The following SLIT1 variants were observed in gnomAD, a reference collection of about 807,000 sequenced individuals.
SLIT1 encodes slit guidance ligand 1.
SLIT1 carries 66 observed loss-of-function variants against 186.1 expected under a neutral mutation model. The ratio of observed to expected loss-of-function variants is 0.35; its 90% confidence interval spans 0.29 to 0.44. The LOEUF is 0.44. Among genes scored for constraint, SLIT1 ranks in the 20% least tolerant of loss-of-function variants. SLIT1 has a pLI of 1.00. For synonymous variants in SLIT1, 761 were observed against 833.8 expected, an observed-to-expected ratio of 0.91 and a Z score of 1.50; for missense variants, 1,638 against 2,037.4, an observed-to-expected ratio of 0.80 and a Z score of 3.77.
At chr10:97,174,694 G>T (rs1183366265) in intron 1 of SLIT1, among the ~76,000 whole-genome samples, 1 of 152,174 alleles carries the variant, frequency 6.6e-6, no homozygotes, top group African/African-American at 2.4e-5. Flanking sequence ...GCTCATTTAA[G>T]CCTCGCAGTA....
At chr10:97,034,640 T>TC (rs963366004) in intron 22 of SLIT1, 98 bp from the exon 23 acceptor site, 13 of 1,122,820 alleles carry the variant, frequency 1.2e-5, no homozygotes, top group African/African-American at 1.5e-5. Context: ...CCAGGGCCAT[T>TC]CCCCAGCCAG....
chr10:97,119,617 C>T lies in SLIT1; in HGVS notation c.413+38201G>A, dbSNP rs1589400833. On this transcript the variant is annotated intron_variant, in intron 4 of 36. Transcript: ENST00000266058. ...GGAGGGTCTGGGAGGACTCAGGAGACGGCGCCTTGGGTTCACCCATCCTCC... is the reference window on the plus strand; with the variant it reads ...GGAGGGTCTGGGAGGACTCAGGAGATGGCGCCTTGGGTTCACCCATCCTCC... Among the ~76,000 whole-genome samples, 3 of 151,754 alleles carry T rather than the reference C, an allele frequency of 2.0e-5. No homozygotes were observed. The East Asian group carries it at 5.9e-4, about 30-fold the overall frequency.
chr10:97,146,037 T>C (rs770122724), intron 4 of SLIT1, among the ~76,000 whole-genome samples: 2 of 152,226 alleles, frequency 1.3e-5, no homozygotes, highest in Admixed American at 6.5e-5. Flanking sequence ...CTTGCCATAT[T>C]TGCATTACTC....
chr10:97,088,421 G>C (rs1849191252), intron 4 of SLIT1, among the ~76,000 whole-genome samples: 1 of 152,194 alleles, frequency 6.6e-6, no homozygotes, highest in Admixed American at 6.5e-5. Flanking sequence ...GTGAATGACT[G>C]ACAGCCCTAA....
Position 97,040,263 on chromosome 10 carries a change from C to T in SLIT1, c.2165-143G>A, listed in dbSNP as rs941833232. ...TGGCCATCAGTAAGTCTGTGCACTA[C>T]ACCTCCCCGCCAGCCACCACCGCCA... On this transcript the variant is annotated intron_variant, in intron 20 of 36. Coordinates refer to ENST00000266058, the MANE Select transcript of SLIT1 (RefSeq NM_003061.3). The T allele has an allele frequency of 7.4e-6, 6 of 812,320 alleles. No individual in the cohort carries two copies. The African/African-American group carries it at 1.1e-4, about 15-fold the overall frequency. 50.3% of individuals were successfully genotyped at this position (812,320 alleles called of 1,614,324 possible).
At chr10:97,157,712 T>G in intron 4 of SLIT1, 106 bp downstream of exon 4, 1 of 837,266 alleles carries the variant, frequency 1.2e-6, no homozygotes, top group Non-Finnish European at 2.0e-6. Context: ...GAGCACAGGG[T>G]CAGGGTCATG....
At chr10:97,161,778 CA>C (rs1850030274) in intron 3 of SLIT1, among the ~76,000 whole-genome samples, 1 of 152,016 alleles carries the variant, frequency 6.6e-6, no homozygotes, top group Non-Finnish European at 1.5e-5. Flanking sequence ...AACTCCGTCT[CA>C]AAAAAAGAAA....
intron 1 of SLIT1, among the ~76,000 whole-genome samples, chr10:97,179,154 G>A (rs1313672626): frequency 2.0e-5 from 3 of 152,046 alleles, no homozygotes; most frequent in Non-Finnish European, 2.9e-5. Context: ...CCCATCTAGC[G>A]ACTCTCATCA....
intron 1 of SLIT1, among the ~76,000 whole-genome samples, chr10:97,179,796 A>ACCCCCCCCCCCCCCCCCCCCCCAC (rs1411663173): frequency 9.7e-6 from 1 of 103,014 alleles, no homozygotes; most frequent in Admixed American, 1.0e-4. Flanking sequence ...AATTCTCCAC[A>ACCCCCCCCCCCCCCCCCCCCCCAC]CCCTCCCCGC....
chr10:97,182,971 G>GAA (rs11410736), intron 1 of SLIT1, among the ~76,000 whole-genome samples: 10,366 of 143,086 alleles, frequency 0.072, 533 homozygotes, highest in East Asian at 0.25. Context: ...TACAAAAAAG[G>GAA]AAAAAAAAAA....
chr10:97,052,550 T>C (rs776288840), intron 13 of SLIT1, among the ~76,000 whole-genome samples: 7 of 152,254 alleles, frequency 4.6e-5, no homozygotes, highest in African/African-American at 4.8e-5. Context: ...ATCGTAGTGA[T>C]AGTTGAATTC....
intron 35 of SLIT1, 62 bp from the exon 36 acceptor site, chr10:97,002,431 C>G: frequency 7.6e-7 from 1 of 1,315,114 alleles, no homozygotes; most frequent in Non-Finnish European, 1.0e-6. Context: ...CCTGACACAG[C>G]CCGCCCCACC....
At chr10:97,028,888 T>C (rs1001420806) in intron 25 of SLIT1, among the ~76,000 whole-genome samples, 16 of 152,122 alleles carry the variant, frequency 1.1e-4, no homozygotes, top group African/African-American at 3.9e-4. Context: ...GACTGTAAAA[T>C]GGAAATAATA....
chr10:97,140,591 T>C (rs1369504021), intron 4 of SLIT1, among the ~76,000 whole-genome samples: 1 of 152,078 alleles, frequency 6.6e-6, no homozygotes, highest in African/African-American at 2.4e-5. Context: ...CTGCTTGGCC[T>C]CCGCGATCGG....
chr10:97,140,755 C>G (rs2134702812), intron 4 of SLIT1, among the ~76,000 whole-genome samples: 1 of 152,320 alleles, frequency 6.6e-6, no homozygotes, highest in East Asian at 1.9e-4. Context: ...CTCGGCACCT[C>G]TGGTTTTGCC....
At chr10:97,114,191 G>A (rs1242416967) in intron 4 of SLIT1, among the ~76,000 whole-genome samples, 4 of 152,192 alleles carry the variant, frequency 2.6e-5, no homozygotes, top group South Asian at 2.1e-4. Context: ...ACAATTCACC[G>A]CAACACTTAG....
chr10:97,121,818 C>T (rs570034436), intron 4 of SLIT1, among the ~76,000 whole-genome samples: 4 of 152,314 alleles, frequency 2.6e-5, no homozygotes, highest in South Asian at 2.1e-4. Context: ...ATTGCTTTAC[C>T]GATGCCACAT....
chr10:97,135,801 C>T (rs565013855), intron 4 of SLIT1, among the ~76,000 whole-genome samples: 6 of 152,296 alleles, frequency 3.9e-5, no homozygotes, highest in South Asian at 2.1e-4. Context: ...GAGACCAGGT[C>T]GGGGAGTGGG....
intron 6 of SLIT1, 150 bp from the exon 7 acceptor site, chr10:97,064,389 C>T: frequency 1.4e-6 from 1 of 693,942 alleles, no homozygotes; most frequent in Non-Finnish European, 2.6e-6. Flanking sequence ...GAGCATGAGG[C>T]ATATCCCACC....
Sources: gnomAD v4.1 joint callset for allele counts (sites outside exome capture counted in the v4.1 genomes callset) on GRCh38, gnomAD v4.1.1 for gene constraint, MANE v1.5 for transcripts, NCBI Gene and HGNC (gene_info 2026-07-23, HGNC 2026-07-21) for gene names.